The following SLC9C1 variants were observed in gnomAD, a reference collection of about 807,000 sequenced individuals.
SLC9C1 encodes sodium/hydrogen exchanger 10.
In SLC9C1, 97 loss-of-function variants were observed where a neutral mutation model predicts 140.9. The observed-to-expected ratio is 0.69, with a 90% CI of 0.58 to 0.82. SLC9C1 has a LOEUF of 0.82. Ranked by LOEUF, SLC9C1 falls within the 40% of genes least tolerant of loss-of-function variation. SLC9C1 has a pLI of 0.00. For synonymous variants in SLC9C1, 440 were observed against 442.6 expected, an observed-to-expected ratio of 0.99 and a Z score of 0.07; for missense variants, 1,340 against 1,389.3, an observed-to-expected ratio of 0.96 and a Z score of 0.56.
chr3:112,216,905 CAT>C (rs1463314847), intron 15 of SLC9C1, among the ~76,000 whole-genome samples: 4 of 152,132 alleles, frequency 2.6e-5, no homozygotes, highest in Non-Finnish European at 4.4e-5. Context: ...CACATGCACA[CAT>C]ATGTTTATTG....
chr3:112,167,024 G>A (rs2077152709), intron 26 of SLC9C1, among the ~76,000 whole-genome samples, 197 bp downstream of exon 26: 1 of 152,010 alleles, frequency 6.6e-6, no homozygotes, highest in Non-Finnish European at 1.5e-5. Context: ...TTGTTCTTAT[G>A]GATGAAATAT....
intron 26 of SLC9C1, among the ~76,000 whole-genome samples, chr3:112,165,533 C>T (rs1323885380): frequency 1.3e-5 from 2 of 152,194 alleles, no homozygotes; most frequent in Non-Finnish European, 2.9e-5. Flanking sequence ...GCTGGAGGTC[C>T]ACTCCAGACC....
Position 112,274,952 on chromosome 3 carries a change from A to T in SLC9C1, c.558T>A (p.Phe186Leu). The change falls in exon 6 of 29, where the codon TTT (phenylalanine) becomes TTA (leucine). Residue 186 changes from phenylalanine (F) to leucine (L), a missense_variant. Transcript: ENST00000305815. The part of the protein sequence containing the change: ...LMTSVISLIT[F>L]TSIMDFDQRL... ...TTTGGTCAAAATCCATAATACTAGTAAATGTAATTAATGATATAACAGAGG... is the reference window on the plus strand; with the variant it reads ...TTTGGTCAAAATCCATAATACTAGTTAATGTAATTAATGATATAACAGAGG... The T allele has an allele frequency of 6.3e-7, 1 of 1,577,018 alleles. No homozygotes were observed.
intron 23 of SLC9C1, among the ~76,000 whole-genome samples, chr3:112,177,799 T>A (rs9830268): frequency 0.3 from 44,920 of 149,264 alleles, 7,009 homozygotes; most frequent in African/African-American, 0.35. Context: ...GTTTTTTTTT[T>A]ATAGCAGATG....
intron 20 of SLC9C1, among the ~76,000 whole-genome samples, chr3:112,189,643 G>T (rs1576304019): frequency 6.6e-6 from 1 of 152,188 alleles, no homozygotes; most frequent in African/African-American, 2.4e-5. Flanking sequence ...TAGCCTTGTA[G>T]TATGGTTTGA....
intron 26 of SLC9C1, among the ~76,000 whole-genome samples, chr3:112,165,764 G>T (rs1471105526): frequency 6.6e-6 from 1 of 152,204 alleles, no homozygotes; most frequent in Non-Finnish European, 1.5e-5. Context: ...ATGTCCAGCT[G>T]TGTGCTAGGA....
At chr3:112,276,894 T>C (rs1217858118) in intron 5 of SLC9C1, among the ~76,000 whole-genome samples, 1 of 152,136 alleles carries the variant, frequency 6.6e-6, no homozygotes, top group East Asian at 1.9e-4. Context: ...CATTTATTCA[T>C]ATATTTACAC....
At chr3:112,288,869 C>G (rs72948390) in intron 1 of SLC9C1, among the ~76,000 whole-genome samples, 4,249 of 152,112 alleles carry the variant, frequency 0.028, 199 homozygotes, top group African/African-American at 0.097. Context: ...CCACTGGCCT[C>G]AGTTTTCAAA....
intron 10 of SLC9C1, among the ~76,000 whole-genome samples, chr3:112,262,103 C>T (rs913013432): frequency 5.9e-5 from 9 of 152,040 alleles, no homozygotes; most frequent in South Asian, 2.1e-4. Context: ...CTGATGTCCA[C>T]GCAGCAAATA....
chr3:112,202,939 T>C (rs2077944593), intron 17 of SLC9C1, among the ~76,000 whole-genome samples: 1 of 151,898 alleles, frequency 6.6e-6, no homozygotes, highest in South Asian at 2.1e-4. Flanking sequence ...AGTTCATTGA[T>C]CCCTTTGTTT....
intron 2 of SLC9C1, among the ~76,000 whole-genome samples, chr3:112,284,464 T>C (rs1018240267): frequency 6.6e-6 from 1 of 152,186 alleles, no homozygotes; most frequent in Non-Finnish European, 1.5e-5. Context: ...CGGCATGAAT[T>C]GATGTTAAGC....
rs1221952429 is a variant in SLC9C1, at chr3:112,277,744, G to C, written c.435C>G (p.Ile145Met). 5.6e-6 allele frequency: 9 copies of C among 1,611,184 alleles called. No homozygotes were observed. The East Asian group carries it at 1.6e-4, about 28-fold the overall frequency. Reference sequence around the variant, plus strand: ...TTAGCATGGGATCTGAACTCACAAGGATAGCTGAAAATAATAACCATTGGG... The same window carrying C: ...TTAGCATGGGATCTGAACTCACAAGCATAGCTGAAAATAATAACCATTGGG... ...KPTQWLLFSA[I>M]LVSSDPMLTA... The change falls in exon 5 of 29, where the codon ATC (isoleucine) becomes ATG (methionine). Residue 145 changes from isoleucine (I) to methionine (M), a missense_variant. Coordinates refer to ENST00000305815, the MANE Select transcript of SLC9C1 (RefSeq NM_183061.3).
intron 13 of SLC9C1, among the ~76,000 whole-genome samples, chr3:112,230,170 GTT>G (rs2078783591): frequency 6.6e-6 from 1 of 152,066 alleles, no homozygotes. Flanking sequence ...TGGTCTAGAT[GTT>G]TCTCTATCCT....
intron 3 of SLC9C1, among the ~76,000 whole-genome samples, chr3:112,279,795 T>C (rs190095594): frequency 1.3e-3 from 200 of 152,260 alleles, no homozygotes; most frequent in Non-Finnish European, 2.2e-3. Flanking sequence ...CACAAGAAAA[T>C]GTTAACTCTG....
chr3:112,267,665 A>G (rs934895417), intron 7 of SLC9C1, among the ~76,000 whole-genome samples: 2 of 151,664 alleles, frequency 1.3e-5, no homozygotes, highest in African/African-American at 4.8e-5. Flanking sequence ...GGATTGTAAT[A>G]AAGTTTAATT....
At chr3:112,160,226 T>A (rs2075252323) in intron 26 of SLC9C1, among the ~76,000 whole-genome samples, 1 of 151,042 alleles carries the variant, frequency 6.6e-6, no homozygotes, top group African/African-American at 2.4e-5. Context: ...ATTTATTTAT[T>A]TTGTATTTAT....
chr3:112,278,463 C>G (rs1168453107), intron 4 of SLC9C1, among the ~76,000 whole-genome samples: 2 of 152,086 alleles, frequency 1.3e-5, no homozygotes, highest in Non-Finnish European at 1.5e-5. Flanking sequence ...TGTAGCATTT[C>G]CGAGTTAAAA....
rs559628490 is a variant in SLC9C1, at chr3:112,214,902, A to G, written c.1790+2540T>C. On this transcript the variant is annotated intron_variant, in intron 15 of 28. Coordinates refer to ENST00000305815, the MANE Select transcript of SLC9C1 (RefSeq NM_183061.3). Reference sequence around the variant, plus strand: ...GATATCAAAGCCTGGCAGAGACACAACAAAAAAAGAGAATTTTAGACCAAT... The same window carrying G: ...GATATCAAAGCCTGGCAGAGACACAGCAAAAAAAGAGAATTTTAGACCAAT... Among the ~76,000 whole-genome samples, 12 of 137,178 alleles carry G rather than the reference A, an allele frequency of 8.7e-5. No individual in the cohort carries two copies. The South Asian group carries it at 2.7e-3, about 30-fold the overall frequency. 90.0% of individuals were successfully genotyped at this position (137,178 alleles called of 152,430 possible).
At chr3:112,194,840 G>C (rs746969877) in intron 20 of SLC9C1, among the ~76,000 whole-genome samples, 2 of 151,296 alleles carry the variant, frequency 1.3e-5, no homozygotes, top group Non-Finnish European at 2.9e-5. Flanking sequence ...TAATGGATGT[G>C]TGGTGGTATC....
Sources: allele counts gnomAD v4.1 joint callset (sites outside exome capture counted in the v4.1 genomes callset), GRCh38; gene constraint gnomAD v4.1.1; transcripts MANE v1.5; gene names NCBI Gene and HGNC (gene_info 2026-07-23, HGNC 2026-07-21).